MCC: variants seen among roughly 807,000 people sequenced by gnomAD.
The protein encoded by MCC is MCC regulator of Wnt signaling pathway, also known as colorectal mutant cancer protein.
In MCC, 90 loss-of-function variants were observed where a neutral mutation model predicts 116.2. The observed-to-expected ratio is 0.77, with a 90% CI of 0.65 to 0.92. The LOEUF (loss-of-function observed/expected upper bound fraction) is 0.92. Among genes scored for constraint, MCC ranks in the 40% least tolerant of loss-of-function variants. The probability of loss-of-function intolerance (pLI) is 0.00; values close to 1 mark genes in which losing one functional copy is unlikely to be tolerated. For missense variants in MCC, 1,516 were observed against 1,312.2 expected, an observed-to-expected ratio of 1.16 and a Z score of -2.40; for synonymous variants, 578 against 510.5, an observed-to-expected ratio of 1.13 and a Z score of -1.78.
chr5:113,160,658 G>A (rs1024678391), intron 3 of MCC, among the ~76,000 whole-genome samples: 3 of 152,332 alleles, frequency 2.0e-5, no homozygotes, highest in Middle Eastern at 3.4e-3. Context: ...AAATACCCAC[G>A]AAACTGTTGA....
chr5:113,114,324 G>A (rs1757273917), intron 6 of MCC, among the ~76,000 whole-genome samples: 1 of 152,156 alleles, frequency 6.6e-6, no homozygotes, highest in Admixed American at 6.5e-5. Context: ...CACGGAGAGC[G>A]CAAGATGACT....
At chr5:113,341,635 A>C (rs1428149417) in intron 2 of MCC, among the ~76,000 whole-genome samples, 1 of 152,164 alleles carries the variant, frequency 6.6e-6, no homozygotes, top group Non-Finnish European at 1.5e-5. Context: ...ATAAAGCCCC[A>C]CAGTGTGTGA....
At position 113,068,195 on chromosome 5, in the gene MCC, C is replaced by A. The variant is rs371288201; in HGVS notation, c.1926-12G>T. On this transcript the variant is annotated splice_polypyrimidine_tract_variant and intron_variant, in intron 12 of 18. Transcript: ENST00000408903. ...CGATGCACTGCTCGCTGAAACAAAG[C>A]ACATGGGGCCTCAGCCCTTGCAGAG... The A allele has an allele frequency of 1.4e-3, 2,305 of 1,604,660 alleles. 7 individuals are homozygous for A. The highest frequency in any genetic ancestry group is 1.4e-3 in the Non-Finnish European group (1,671 of 1,171,636).
At chr5:113,088,072 C>A (rs1338147614) in intron 8 of MCC, among the ~76,000 whole-genome samples, 1 of 152,154 alleles carries the variant, frequency 6.6e-6, no homozygotes, top group Non-Finnish European at 1.5e-5. Context: ...ACTTTAAAAA[C>A]TTCGGACCCA....
At chr5:113,284,844 T>C (rs1460058212) in intron 3 of MCC, among the ~76,000 whole-genome samples, 2 of 152,236 alleles carry the variant, frequency 1.3e-5, no homozygotes, top group Non-Finnish European at 2.9e-5. Flanking sequence ...ATCAATAAAT[T>C]GATATTAAAG....
At chr5:113,039,720 C>CCA (rs1554106487) in intron 17 of MCC, among the ~76,000 whole-genome samples, 54 of 147,672 alleles carry the variant, frequency 3.7e-4, no homozygotes, top group African/African-American at 1.3e-3. Context: ...CGCCCCCCCC[C>CCA]CCAACCCACC....
At chr5:113,177,433 CT>C (rs1196815568) in intron 3 of MCC, among the ~76,000 whole-genome samples, 1 of 152,206 alleles carries the variant, frequency 6.6e-6, no homozygotes, top group African/African-American at 2.4e-5. Context: ...ACAATGTGGA[CT>C]TTCAGCAATG....
intron 1 of MCC, among the ~76,000 whole-genome samples, chr5:113,418,388 A>T (rs897368997): frequency 6.6e-6 from 1 of 152,112 alleles, no homozygotes; most frequent in Non-Finnish European, 1.5e-5. Flanking sequence ...AAGTTTACCT[A>T]AATCTTATAT....
At chr5:113,081,399 G>A (rs1387209435) in intron 11 of MCC, among the ~76,000 whole-genome samples, 3 of 151,992 alleles carry the variant, frequency 2.0e-5, no homozygotes, top group East Asian at 3.9e-4. Flanking sequence ...GGCTGTCTGC[G>A]AGAGCCCTTT....
At chr5:113,341,706 G>A (rs1768016530) in intron 2 of MCC, among the ~76,000 whole-genome samples, 1 of 152,198 alleles carries the variant, frequency 6.6e-6, no homozygotes, top group Admixed American at 6.5e-5. Flanking sequence ...TGGAAACCAT[G>A]TGGTACAGAT....
chr5:113,351,216 T>C lies in MCC; in HGVS notation c.416-10486A>G, dbSNP rs146750806. Among the ~76,000 whole-genome samples the C allele has an allele frequency of 4.6e-4, 70 of 151,498 alleles. 1 individual carries two copies. The East Asian group carries it at 0.012, about 26-fold the overall frequency. On this transcript the variant is annotated intron_variant, in intron 2 of 18. Transcript: ENST00000408903. ...ACCCAAAAGAAAGGAAATCAGTATA[T>C]TGAAAGGATATCTACACTCCCATGT...
At chr5:113,240,008 CT>C (rs2150338583) in intron 3 of MCC, among the ~76,000 whole-genome samples, 1 of 152,292 alleles carries the variant, frequency 6.6e-6, no homozygotes, top group East Asian at 1.9e-4. Context: ...TGGCTTCTGC[CT>C]TTTTGAAAAG....
At chr5:113,395,420 T>A (rs1018030126) in intron 1 of MCC, among the ~76,000 whole-genome samples, 13 of 152,336 alleles carry the variant, frequency 8.5e-5, no homozygotes, top group East Asian at 7.7e-4. Flanking sequence ...AAGCTGCCTT[T>A]CCTTTTGTTC....
At chr5:113,198,614 G>A (rs1390863882) in intron 3 of MCC, among the ~76,000 whole-genome samples, 1 of 151,496 alleles carries the variant, frequency 6.6e-6, no homozygotes, top group East Asian at 1.9e-4. Context: ...TGAGGCAGGA[G>A]GATCTCTTGA....
At chr5:113,439,828 T>G (rs1207169759) in intron 1 of MCC, among the ~76,000 whole-genome samples, 1 of 152,254 alleles carries the variant, frequency 6.6e-6, no homozygotes, top group Non-Finnish European at 1.5e-5. Flanking sequence ...CAGTGGCTAC[T>G]TAGCAAGTGT....
At chr5:113,049,871 A>G (rs565252674) in intron 15 of MCC, among the ~76,000 whole-genome samples, 36 of 152,324 alleles carry the variant, frequency 2.4e-4, no homozygotes, top group African/African-American at 8.2e-4. Flanking sequence ...TCAGGGCCCA[A>G]ATGAAATCAA....
At chr5:113,047,987 AC>A (rs1300431291) in intron 16 of MCC, among the ~76,000 whole-genome samples, 1 of 152,152 alleles carries the variant, frequency 6.6e-6, no homozygotes, top group African/African-American at 2.4e-5. Context: ...CCACCCTGTG[AC>A]GGTAGCAACG....
Position 113,434,783 on chromosome 5 carries a change from T to C in MCC, c.171-49571A>G. The stretch of plus-strand genomic sequence containing the variant: ...ATTTTACTTTTGCATAGGAGCCCTC[T>C]CCTAAATTTATCCCCAGGAGGTAGC... On this transcript the variant is annotated intron_variant, in intron 1 of 18. Transcript: ENST00000408903. This position sits in a 1 kb window ranked among gnomAD's most constrained non-coding sequence, Gnocchi z 4.2. 1.2e-6 allele frequency: 2 copies of C among 1,613,568 alleles called. No individual in the cohort carries two copies. Among genetic ancestry groups the C allele is most frequent in the Non-Finnish European group, 1.7e-6 (2 of 1,179,570 alleles).
intron 17 of MCC, among the ~76,000 whole-genome samples, chr5:113,035,761 C>T (rs1051839472): frequency 2.0e-5 from 3 of 152,152 alleles, no homozygotes; most frequent in Admixed American, 6.5e-5. Flanking sequence ...GACATCACCA[C>T]GCCTTACCAT....
Sources: gnomAD v4.1 joint callset for allele counts (sites outside exome capture counted in the v4.1 genomes callset) on GRCh38, gnomAD v4.1.1 for gene constraint, Gnocchi (gnomAD v3.1) non-coding constraint, MANE v1.5 for transcripts, NCBI Gene and HGNC (gene_info 2026-07-23, HGNC 2026-07-21) for gene names.